The following CSMD1 variants were observed in gnomAD, a reference collection of about 807,000 sequenced individuals.
The protein encoded by CSMD1 is CUB and sushi domain-containing protein 1.
Under a neutral mutation model 417.5 loss-of-function variants are expected in CSMD1, and 213 were observed. The observed-to-expected ratio is 0.51, with a 90% CI of 0.46 to 0.57. CSMD1 has a LOEUF of 0.57. CSMD1 is among the 20% of genes least tolerant of loss of function. The pLI is 0.00. For synonymous variants in CSMD1, 2,862 were observed against 1,736.8 expected (o/e 1.65, Z -16.11); for missense variants, 6,923 against 4,529.7 (o/e 1.53, Z -15.17).
At chr8:3,439,591 G>T (rs1019451718) in intron 12 of CSMD1, among the ~76,000 whole-genome samples, 1 of 151,016 alleles carries the variant, frequency 6.6e-6, no homozygotes, top group Non-Finnish European at 1.5e-5. Context: ...TTATCTTCCA[G>T]TCTACAGCTT....
chr8:4,953,316 A>G (rs1438251101), intron 1 of CSMD1, among the ~76,000 whole-genome samples: 1 of 152,160 alleles, frequency 6.6e-6, no homozygotes, highest in African/African-American at 2.4e-5. Flanking sequence ...TCTATTCACA[A>G]TTGAACTTGT....
chr8:3,308,245 A>G (rs988907297), intron 24 of CSMD1, 67 bp downstream of exon 24: 14 of 1,250,542 alleles, frequency 1.1e-5, no homozygotes, highest in African/African-American at 1.5e-5. Flanking sequence ...AAGGAAGTCA[A>G]TGCAACATGG....
At chr8:3,808,621 A>G (rs1263100619) in intron 5 of CSMD1, among the ~76,000 whole-genome samples, 1 of 152,180 alleles carries the variant, frequency 6.6e-6, no homozygotes, top group East Asian at 1.9e-4. Context: ...ATCAAATACT[A>G]TTGCATCAGA....
chr8:3,851,878 G>A (rs919883360), intron 5 of CSMD1, among the ~76,000 whole-genome samples: 2 of 152,108 alleles, frequency 1.3e-5, no homozygotes, highest in Non-Finnish European at 2.9e-5. Flanking sequence ...AAAGCCAGTG[G>A]GCTCCATGGA....
chr8:3,835,907 T>C (rs962203499), intron 5 of CSMD1, among the ~76,000 whole-genome samples: 4 of 152,034 alleles, frequency 2.6e-5, no homozygotes, highest in Non-Finnish European at 4.4e-5. Flanking sequence ...TAAGACTTTT[T>C]TCAACATATT....
chr8:4,973,004 T>C (rs1584938372), intron 1 of CSMD1, among the ~76,000 whole-genome samples: 1 of 152,152 alleles, frequency 6.6e-6, no homozygotes, highest in Admixed American at 6.5e-5. Flanking sequence ...TTTGATCCCA[T>C]CGTTTTATAT....
Position 4,862,185 on chromosome 8 carries a change from TC to T in CSMD1, c.85+132146del, listed in dbSNP as rs1802175167. 2.0e-5 allele frequency among the ~76,000 whole-genome samples: 3 copies of T among 151,982 alleles called. No homozygotes were observed. In the South Asian group the frequency reaches 6.2e-4, roughly 31 times the overall value. Reference sequence around the variant, plus strand: ...AGCTGAGGTGGGAGTGGTTTATTGTTCCTTGAACCTCAACGAGGCCTGGGGG... The same window carrying T: ...AGCTGAGGTGGGAGTGGTTTATTGTTCTTGAACCTCAACGAGGCCTGGGGG... On this transcript the variant is annotated intron_variant, in intron 1 of 69. Transcript: ENST00000635120.
intron 18 of CSMD1, among the ~76,000 whole-genome samples, chr8:3,387,271 G>C (rs546036267): frequency 1.3e-5 from 2 of 152,238 alleles, no homozygotes; most frequent in South Asian, 2.1e-4. Flanking sequence ...TTGTTCATTC[G>C]GGGATAAAGT....
At chr8:3,638,291 A>G (rs1374768445) in intron 7 of CSMD1, among the ~76,000 whole-genome samples, 1 of 152,198 alleles carries the variant, frequency 6.6e-6, no homozygotes, top group African/African-American at 2.4e-5. Context: ...TTTACATAGA[A>G]AATGTGTCAT....
chr8:3,160,080 G>C (rs765623259), intron 38 of CSMD1, among the ~76,000 whole-genome samples: 20 of 152,136 alleles, frequency 1.3e-4, no homozygotes, highest in Non-Finnish European at 2.5e-4. Context: ...ACAGATTGAG[G>C]TGTCCCTCTA....
chr8:4,987,756 G>A (rs932381672), intron 1 of CSMD1, among the ~76,000 whole-genome samples: 4 of 152,100 alleles, frequency 2.6e-5, no homozygotes, highest in Non-Finnish European at 5.9e-5. Context: ...ATGTGGGTGG[G>A]CACCAGCTCA....
chr8:4,422,792 G>C (rs1041570536), intron 2 of CSMD1, among the ~76,000 whole-genome samples: 5 of 152,014 alleles, frequency 3.3e-5, no homozygotes, highest in African/African-American at 7.2e-5. Flanking sequence ...AACCAAGTAA[G>C]AGAAAATAGA....
chr8:4,169,163 C>T (rs554671501), intron 3 of CSMD1, among the ~76,000 whole-genome samples: 1 of 152,214 alleles, frequency 6.6e-6, no homozygotes, highest in African/African-American at 2.4e-5. Context: ...GTGTAAACAC[C>T]GTCTCTACGG....
intron 1 of CSMD1, among the ~76,000 whole-genome samples, chr8:4,900,238 G>A (rs561564669): frequency 3.3e-5 from 5 of 152,154 alleles, no homozygotes; most frequent in Admixed American, 1.3e-4. Flanking sequence ...ACCTCCCTTC[G>A]AGCTTCACCT....
In CSMD1 at chr8:3,155,869, G is replaced by A. The variant is rs901519295; in HGVS notation, c.5914+2028C>T. Among the ~76,000 whole-genome samples, 5 of 152,078 alleles carry A rather than the reference G, an allele frequency of 3.3e-5. No individual in the cohort carries two copies. The East Asian group carries it at 5.8e-4, about 18-fold the overall frequency. The stretch of plus-strand genomic sequence containing the variant: ...CCTGGATGAGCCTATCATAAAGGCT[G>A]AAGTTTTTTGTTTTACAGGTTTCGT... On this transcript the variant is annotated intron_variant, in intron 39 of 69. Coordinates refer to ENST00000635120, the MANE Select transcript of CSMD1 (RefSeq NM_033225.6).
At chr8:4,947,033 T>A (rs1234066037) in intron 1 of CSMD1, among the ~76,000 whole-genome samples, 1 of 152,188 alleles carries the variant, frequency 6.6e-6, no homozygotes, top group Non-Finnish European at 1.5e-5. Flanking sequence ...AGAACTTTCT[T>A]TTACCAGTAG....
chr8:3,115,688 A>G (rs1269472079), intron 42 of CSMD1, among the ~76,000 whole-genome samples: 1 of 152,232 alleles, frequency 6.6e-6, no homozygotes, highest in East Asian at 1.9e-4. Flanking sequence ...TTAATTTCAT[A>G]AAGTAGATTC....
At chr8:4,581,467 G>GT (rs1170138968) in intron 2 of CSMD1, among the ~76,000 whole-genome samples, 11 of 152,146 alleles carry the variant, frequency 7.2e-5, no homozygotes. Context: ...TTTGAAAACT[G>GT]TTTTTGAATA....
chr8:4,145,210 C>A (rs1350743694), intron 3 of CSMD1, among the ~76,000 whole-genome samples: 2 of 150,970 alleles, frequency 1.3e-5, no homozygotes, highest in Non-Finnish European at 2.9e-5. Context: ...ATATTGAGTA[C>A]AGATCCTCTT....
Sources: gnomAD v4.1 joint callset for allele counts (sites outside exome capture counted in the v4.1 genomes callset) on GRCh38, gnomAD v4.1.1 for gene constraint, MANE v1.5 for transcripts, NCBI Gene and HGNC (gene_info 2026-07-23, HGNC 2026-07-21) for gene names.